Variants in GRB2 observed in about 807,000 individuals in gnomAD.
GRB2 encodes growth factor receptor bound protein 2, also known as growth factor receptor-bound protein 2.
Under a neutral mutation model 27.4 loss-of-function variants are expected in GRB2, and 2 were observed. The observed-to-expected ratio is 0.07, with a 90% CI of 0.03 to 0.23. GRB2 has a LOEUF of 0.23. Among genes scored for constraint, GRB2 ranks in the 10% least tolerant of loss-of-function variants. The pLI is 1.00. For missense variants in GRB2, 102 were observed against 282.4 expected (o/e 0.36, Z 4.58); for synonymous variants, 94 against 99.6 (o/e 0.94, Z 0.33).
intron 1 of GRB2, among the ~76,000 whole-genome samples, chr17:75,400,616 C>T (rs1261098255): frequency 3.3e-5 from 5 of 152,076 alleles, no homozygotes; most frequent in African/African-American, 1.2e-4. Flanking sequence ...GCTGGGATTC[C>T]AGGCGTGTCA....
At chr17:75,385,905 T>C (rs1308460970) in intron 2 of GRB2, among the ~76,000 whole-genome samples, 1 of 152,238 alleles carries the variant, frequency 6.6e-6, no homozygotes, top group East Asian at 1.9e-4. Flanking sequence ...TCTACCTCTG[T>C]AAACCCCACT....
intron 2 of GRB2, 57 bp from the exon 3 acceptor site, chr17:75,332,854 A>C: frequency 8.8e-7 from 1 of 1,133,784 alleles, no homozygotes; most frequent in Non-Finnish European, 1.3e-6. Flanking sequence ...CTTTAAAAAG[A>C]TAGTTACAAG....
intron 2 of GRB2, among the ~76,000 whole-genome samples, chr17:75,368,086 T>C (rs990981887): frequency 2.0e-5 from 3 of 152,146 alleles, no homozygotes; most frequent in Admixed American, 1.3e-4. Context: ...GGCTAATTTT[T>C]GTACTTTTTG....
rs147350138 is a variant in GRB2, at chr17:75,402,670, A to G, written c.-138+2819T>C. Among the ~76,000 whole-genome samples, 667 of 152,302 alleles carry G rather than the reference A, an allele frequency of 4.4e-3. 6 individuals are homozygous for G. The highest frequency in any genetic ancestry group is 0.015 in the African/African-American group (640 of 41,552). ...CTAATTTTAAAAAGATCTCCCAGTGATTTTTATGGATACTAAATTTTAAAT... is the reference window on the plus strand; with the variant it reads ...CTAATTTTAAAAAGATCTCCCAGTGGTTTTTATGGATACTAAATTTTAAAT... On this transcript the variant is annotated intron_variant, in intron 1 of 5. Transcript: ENST00000316804.
intron 4 of GRB2, 42 bp downstream of exon 4, chr17:75,325,856 T>G: frequency 6.2e-7 from 1 of 1,609,438 alleles, no homozygotes. Flanking sequence ...TTTGGATCAG[T>G]CAGAGACAGG....
chr17:75,350,270 T>C lies in GRB2; in HGVS notation c.79-17473A>G, dbSNP rs150943534. Among the ~76,000 whole-genome samples the C allele has an allele frequency of 7.7e-3, 1,141 of 148,206 alleles. 8 individuals carry two copies. The highest frequency in any genetic ancestry group is 0.026 in the African/African-American group (1,061 of 40,820). ...AAAAAAAAGACTGAGTAAACAAGTATGAGTGAGTGCCTATTTTGAGTTAGG... is the reference window on the plus strand; with the variant it reads ...AAAAAAAAGACTGAGTAAACAAGTACGAGTGAGTGCCTATTTTGAGTTAGG... On this transcript the variant is annotated intron_variant, in intron 2 of 5. Transcript: ENST00000316804.
chr17:75,378,446 T>C (rs1462421150), intron 2 of GRB2, among the ~76,000 whole-genome samples: 1 of 152,114 alleles, frequency 6.6e-6, no homozygotes, highest in East Asian at 1.9e-4. Context: ...ATTTTTCATG[T>C]GGTCACCTGA....
chr17:75,347,299 G>A (rs1440060611), intron 2 of GRB2, among the ~76,000 whole-genome samples: 4 of 152,074 alleles, frequency 2.6e-5, no homozygotes, highest in Admixed American at 2.6e-4. Flanking sequence ...CAAATCCATG[G>A]ACCGGACTGA....
At chr17:75,398,316 T>C (rs965863155) in intron 1 of GRB2, among the ~76,000 whole-genome samples, 1 of 152,200 alleles carries the variant, frequency 6.6e-6, no homozygotes, top group African/African-American at 2.4e-5. Flanking sequence ...TAGCAAAGGC[T>C]GGAGGGCAGT....
rs71159495 is a variant in GRB2, at chr17:75,353,184, CA to C, written c.79-20388del. On this transcript the variant is annotated intron_variant, in intron 2 of 5. Transcript: ENST00000316804. ...TGGGCGACAGAGCAAGACTCCGTCT[CA>C]AAAAAAAAAAAAAAAGACACAGTTG... Among the ~76,000 whole-genome samples, 705 of 124,542 alleles carry C rather than the reference CA, an allele frequency of 5.7e-3. 5 individuals carry two copies. Among genetic ancestry groups the C allele is most frequent in the African/African-American group, 0.022 (638 of 29,330 alleles). 81.7% of individuals were successfully genotyped at this position (124,542 alleles called of 152,430 possible).
At chr17:75,343,570 A>T (rs1014494946) in intron 2 of GRB2, among the ~76,000 whole-genome samples, 6 of 152,222 alleles carry the variant, frequency 3.9e-5, no homozygotes, top group African/African-American at 1.4e-4. Context: ...TTGACCTCTT[A>T]TCATCAAGAG....
At chr17:75,367,003 G>A (rs759001335) in intron 2 of GRB2, among the ~76,000 whole-genome samples, 4 of 152,130 alleles carry the variant, frequency 2.6e-5, no homozygotes, top group Non-Finnish European at 5.9e-5. Context: ...TTCAGTACAT[G>A]AGGGTCTTAC....
chr17:75,338,742 A>G (rs1225284763), intron 2 of GRB2: 8 of 531,362 alleles, frequency 1.5e-5, no homozygotes, highest in Non-Finnish European at 2.4e-5. Flanking sequence ...TCAGGAAGAA[A>G]TTTAAGAGAT....
At chr17:75,391,424 C>T (rs2145871086) in intron 2 of GRB2, among the ~76,000 whole-genome samples, 1 of 152,186 alleles carries the variant, frequency 6.6e-6, no homozygotes, top group African/African-American at 2.4e-5. Flanking sequence ...CCAGAATTTA[C>T]TAATTTAAGT....
intron 4 of GRB2, among the ~76,000 whole-genome samples, chr17:75,323,097 C>T (rs539450254): frequency 9.9e-4 from 139 of 140,024 alleles, no homozygotes; most frequent in Middle Eastern, 4.0e-3. Flanking sequence ...CCAGCCTGTG[C>T]GACAGAGTGA....
In GRB2 at chr17:75,399,678, A is replaced by AT. The variant is rs1374379120; in HGVS notation, c.-138+5810dup. ...CACCGCGCCCGACCAACAATTATTT[A>AT]TTTATTTTTTTGAGACAGAGTCTCG... On this transcript the variant is annotated intron_variant, in intron 1 of 5. Transcript: ENST00000316804. Among the ~76,000 whole-genome samples, 11 of 107,936 alleles carry AT rather than the reference A, an allele frequency of 1.0e-4. No individual in the cohort carries two copies. In the East Asian group the frequency reaches 1.5e-3, roughly 15 times the overall value. The allele number at this position is 107,936 out of a possible 152,430, so 70.8% of individuals were successfully genotyped here.
chr17:75,398,259 A>T (rs1370456919), intron 1 of GRB2, among the ~76,000 whole-genome samples: 1 of 152,202 alleles, frequency 6.6e-6, no homozygotes, highest in African/African-American at 2.4e-5. Flanking sequence ...CTTTGAGTAA[A>T]CACACTTTTA....
rs1007755751 is a variant in GRB2, at chr17:75,365,493, A to G, written c.78+28058T>C. ...TGCATTTTTAATAAAAGTGAAACAC[A>G]GAAGACTAGATGGGGACAGGTTATT... On this transcript the variant is annotated intron_variant, in intron 2 of 5. Transcript: ENST00000316804. Among the ~76,000 whole-genome samples the G allele has an allele frequency of 2.6e-5, 4 of 152,234 alleles. No individual in the cohort carries two copies. The South Asian group carries it at 8.3e-4, about 31-fold the overall frequency.
intron 2 of GRB2, among the ~76,000 whole-genome samples, chr17:75,350,176 C>T (rs935341386): frequency 1.0e-4 from 15 of 148,374 alleles, no homozygotes; most frequent in African/African-American, 3.7e-4. Context: ...TATGATTGCA[C>T]CTGTGAATAG....
Sources: gnomAD v4.1 joint callset for allele counts (sites outside exome capture counted in the v4.1 genomes callset) on GRCh38, gnomAD v4.1.1 for gene constraint, MANE v1.5 for transcripts, NCBI Gene and HGNC (gene_info 2026-07-23, HGNC 2026-07-21) for gene names.